Variants in SPATA31H1 observed in about 807,000 individuals in gnomAD.
The protein encoded by SPATA31H1 is SPATA31 subfamily H member 1.
chr2:27,581,068 A>G, the SPATA31H1 span: 2 of 1,613,908 alleles, frequency 1.2e-6, no homozygotes, highest in East Asian at 2.2e-5. Context: ...TCCAGCCAGG[A>G]GTCTAAGAAC....
chr2:27,581,379 G>A, the SPATA31H1 span: 4 of 1,613,526 alleles, frequency 2.5e-6, no homozygotes, highest in African/African-American at 5.4e-5. Context: ...CAGTCCTTCT[G>A]AGAGAAGCTG....
chr2:27,575,915 G>A, the SPATA31H1 span: 1 of 398,542 alleles, frequency 2.5e-6, no homozygotes, highest in Non-Finnish European at 4.4e-6. This position sits in a 1 kb window ranked among gnomAD's most constrained non-coding sequence, Gnocchi z 4.1. Context: ...TTCAAGGTAT[G>A]AAGTGTTCTG....
At chr2:27,560,750 G>A in the SPATA31H1 span, among the ~76,000 whole-genome samples, 3 of 152,188 alleles carry the variant, frequency 2.0e-5, no homozygotes, top group East Asian at 1.9e-4. Context: ...GAGCCACCGC[G>A]CCCAGCCTCC....
At chr2:27,559,486 T>C in the SPATA31H1 span, among the ~76,000 whole-genome samples, 1 of 152,230 alleles carries the variant, frequency 6.6e-6, no homozygotes, top group East Asian at 1.9e-4. Context: ...GATAGGTCTC[T>C]AATGACTTTA....
the SPATA31H1 span, among the ~76,000 whole-genome samples, chr2:27,558,846 C>G: frequency 9.2e-6 from 1 of 108,958 alleles, no homozygotes; most frequent in African/African-American, 3.5e-5. Flanking sequence ...GCCGAGATGG[C>G]AGCAGTACCG....
chr2:27,568,724 G>T, the SPATA31H1 span: 1 of 398,962 alleles, frequency 2.5e-6, no homozygotes, highest in Non-Finnish European at 4.4e-6. Flanking sequence ...GATCTGAGAA[G>T]GTAGCCCCAG....
chr2:27,565,020 G>A, the SPATA31H1 span, among the ~76,000 whole-genome samples: 5 of 152,034 alleles, frequency 3.3e-5, no homozygotes, highest in South Asian at 4.2e-4. Context: ...TGCTGATCTC[G>A]GTGATGTTCC....
the SPATA31H1 span, chr2:27,578,463 T>A: frequency 6.2e-7 from 1 of 1,613,998 alleles, no homozygotes; most frequent in South Asian, 1.1e-5. Context: ...AGCAATAAAT[T>A]GTGTGGATTT....
the SPATA31H1 span, chr2:27,582,049 CTGAGAGGAGATCTCACAGGTCCTT>C: frequency 1.9e-6 from 3 of 1,613,614 alleles, no homozygotes; most frequent in Middle Eastern, 1.6e-4. Context: ...CGCAGTCCCT[CTGAGAGGAGATCTCACAGGTCCTT>C]TGAGAGGAGC....
the SPATA31H1 span, among the ~76,000 whole-genome samples, chr2:27,551,602 G>A: frequency 6.6e-6 from 1 of 151,998 alleles, no homozygotes; most frequent in Non-Finnish European, 1.5e-5. Context: ...TGAGTCCAAA[G>A]TCAGCATAGG....
chr2:27,555,733 G>A, the SPATA31H1 span, among the ~76,000 whole-genome samples: 9 of 152,070 alleles, frequency 5.9e-5, no homozygotes, highest in East Asian at 1.5e-3. Flanking sequence ...CACATTAAAA[G>A]ATGTTATTCT....
the SPATA31H1 span, chr2:27,579,065 G>A: frequency 6.2e-7 from 1 of 1,614,158 alleles, no homozygotes; most frequent in South Asian, 1.1e-5. Flanking sequence ...GGAAGCAAAT[G>A]GAGGAGCTAG....
the SPATA31H1 span, chr2:27,576,089 T>G: frequency 2.5e-6 from 1 of 400,312 alleles, no homozygotes; most frequent in Non-Finnish European, 4.4e-6. Flanking sequence ...TGAATTCTTC[T>G]GAGTTGAATC....
At chr2:27,547,178 T>C in the SPATA31H1 span, among the ~76,000 whole-genome samples, 4 of 137,180 alleles carry the variant, frequency 2.9e-5, no homozygotes, top group Non-Finnish European at 6.3e-5. Context: ...AACTTTGATC[T>C]TTTTTTTTTT....
the SPATA31H1 span, chr2:27,575,544 A>T: frequency 2.5e-6 from 1 of 398,534 alleles, no homozygotes; most frequent in South Asian, 1.3e-4. The surrounding 1 kb of genome is among the most constrained non-coding windows in gnomAD (Gnocchi z 4.1). Context: ...GCAAGGAACA[A>T]AATCTGCCAA....
At chr2:27,567,030 C>T in the SPATA31H1 span, 1 of 717,502 alleles carries the variant, frequency 1.4e-6, no homozygotes, top group East Asian at 2.7e-5. Context: ...TCTTTTTCAG[C>T]TCTCAGAGCC....
the SPATA31H1 span, among the ~76,000 whole-genome samples, chr2:27,550,622 T>C: frequency 1.3e-5 from 2 of 151,784 alleles, no homozygotes; most frequent in South Asian, 4.2e-4. Context: ...TTTCACCATT[T>C]TGGTTAGGCT....
chr2:27,546,324 T>C, the SPATA31H1 span, among the ~76,000 whole-genome samples: 1 of 151,946 alleles, frequency 6.6e-6, no homozygotes, highest in African/African-American at 2.4e-5. Context: ...CCTTATTTTT[T>C]TTCTTTCACA....
the SPATA31H1 span, among the ~76,000 whole-genome samples, chr2:27,555,904 C>A: frequency 6.6e-6 from 1 of 151,814 alleles, no homozygotes; most frequent in African/African-American, 2.4e-5. Flanking sequence ...GAAGCTGAGG[C>A]GAGCGGATCA....
Sources: gnomAD v4.1 joint callset for allele counts (sites outside exome capture counted in the v4.1 genomes callset) on GRCh38, gnomAD v4.1.1 for gene constraint, Gnocchi (gnomAD v3.1) non-coding constraint, MANE v1.5 for transcripts, NCBI Gene and HGNC (gene_info 2026-07-23, HGNC 2026-07-21) for gene names.